WDR72: variants seen among roughly 807,000 people sequenced by gnomAD.
The protein encoded by WDR72 is WD repeat-containing protein 72.
A neutral mutation model predicts 124.2 loss-of-function variants in WDR72; 120 were observed. The observed-to-expected ratio is 0.97, with a 90% CI of 0.83 to 1.12. The LOEUF (loss-of-function observed/expected upper bound fraction) is 1.12. Ranked by LOEUF, WDR72 falls within the 50% of genes most tolerant of loss-of-function variation. The pLI is 0.00. For missense variants in WDR72, 1,387 were observed against 1,278.8 expected, an observed-to-expected ratio of 1.08 and a Z score of -1.29; for synonymous variants, 452 against 441.7, an observed-to-expected ratio of 1.02 and a Z score of -0.29.
In WDR72 at chr15:53,616,011, G is replaced by T; in HGVS notation, c.2195C>A (p.Thr732Asn). ...KKTLTLRKSK[T>N]ACGPLSAEAL... is the part of the protein sequence containing the mutation. ...CTCTGCTGAAAGAGGACCACAGGCA[G>T]TTTTACTTTTTCTCAGTGTCAGTGT... The change falls in exon 15 of 20, where the codon ACT becomes AAT. Residue 732 changes from threonine (T) to asparagine (N), a missense_variant. Coordinates refer to ENST00000360509, the MANE Select transcript of WDR72 (RefSeq NM_182758.4). 1 of 1,613,300 alleles carries T rather than the reference G, an allele frequency of 6.2e-7. No homozygotes were observed. The highest frequency in any genetic ancestry group is 8.5e-7 in the Non-Finnish European group (1 of 1,179,580).
rs150903344 is a variant in WDR72, at chr15:53,615,867, G to A, written c.2339C>T (p.Pro780Leu). The A allele has an allele frequency of 3.4e-5, 55 of 1,613,456 alleles. No homozygotes were observed. The African/African-American group carries it at 6.5e-4, about 19-fold the overall frequency. The stretch of plus-strand genomic sequence containing the variant: ...GGCATCTACTTTTCTTGATGGCTTA[G>A]GCTGCATTTTTTTGGAGATCTTCAT... ...KKMKISKKMQ[P>L]KPSRKVDASL... The change falls in exon 15 of 20, where the codon CCT (proline) becomes CTT (leucine). Residue 780 changes from proline (P) to leucine (L), a missense_variant. Coordinates refer to ENST00000360509, the MANE Select transcript of WDR72 (RefSeq NM_182758.4).
chr15:53,534,840 A>G (rs907287784), intron 18 of WDR72, among the ~76,000 whole-genome samples: 1 of 152,146 alleles, frequency 6.6e-6, no homozygotes, highest in African/African-American at 2.4e-5. Context: ...AGTTCCTATT[A>G]CACGACAGAT....
chr15:53,552,833 T>C (rs898573355), intron 18 of WDR72, among the ~76,000 whole-genome samples: 1 of 152,114 alleles, frequency 6.6e-6, no homozygotes, highest in African/African-American at 2.4e-5. Context: ...CCATTTGATT[T>C]CATCCCCTTT....
chr15:53,620,455 A>C (rs2013945904), intron 14 of WDR72, among the ~76,000 whole-genome samples: 1 of 152,014 alleles, frequency 6.6e-6, no homozygotes. Context: ...AGCTCTTCTA[A>C]AAATAGTAAT....
chr15:53,725,235 C>T (rs1390608835), intron 2 of WDR72, among the ~76,000 whole-genome samples: 1 of 151,828 alleles, frequency 6.6e-6, no homozygotes, highest in African/African-American at 2.4e-5. Flanking sequence ...AAGAGAAGTG[C>T]AAATTAAAAA....
At chr15:53,696,679 G>A (rs2017013136) in intron 13 of WDR72, among the ~76,000 whole-genome samples, 1 of 152,168 alleles carries the variant, frequency 6.6e-6, no homozygotes, top group African/African-American at 2.4e-5. Flanking sequence ...GAATAAAACA[G>A]AAATCAAGTG....
chr15:53,628,807 A>AT (rs530300824), intron 14 of WDR72, among the ~76,000 whole-genome samples: 4 of 152,054 alleles, frequency 2.6e-5, no homozygotes, highest in African/African-American at 4.8e-5. Context: ...CCAACAATAG[A>AT]TTTTTTTTAA....
At chr15:53,679,563 C>A (rs753482667) in intron 13 of WDR72, among the ~76,000 whole-genome samples, 6 of 152,100 alleles carry the variant, frequency 3.9e-5, no homozygotes, top group Admixed American at 6.5e-5. Context: ...GAAAGAAGGA[C>A]ATTGATGGCA....
chr15:53,615,519 C>A lies in WDR72; in HGVS notation c.2687G>T (p.Arg896Leu), dbSNP rs146417353. Residue 896 changes from arginine to leucine, a missense_variant, in exon 15 of 20, where the codon CGA becomes CTA. Physicochemically the swap from Arg to Leu is moderately radical, Grantham distance 102. Coordinates refer to ENST00000360509, the MANE Select transcript of WDR72 (RefSeq NM_182758.4). ...RGLENNCDSL[R>L]ESDTIVYLLS... is the part of the protein sequence containing the mutation. ...CAAATAAACTATAGTATCTGACTCT[C>A]GCAAAGAATCACAATTATTTTCCAA... is the stretch of plus-strand genomic sequence containing the variant. The A allele has an allele frequency of 1.2e-6, 2 of 1,612,722 alleles. No individual in the cohort carries two copies. The highest frequency in any genetic ancestry group is 1.7e-6 in the Non-Finnish European group (2 of 1,179,344).
chr15:53,710,281 AAT>A (rs1281575439), intron 9 of WDR72, among the ~76,000 whole-genome samples: 11 of 152,336 alleles, frequency 7.2e-5, no homozygotes, highest in Admixed American at 3.3e-4. Context: ...AAATGTTAAC[AAT>A]GTTTTGTCAC....
At chr15:53,587,852 C>T (rs1453203097) in intron 18 of WDR72, among the ~76,000 whole-genome samples, 1 of 151,988 alleles carries the variant, frequency 6.6e-6, no homozygotes, top group African/African-American at 2.4e-5. Context: ...GGCCCATGCT[C>T]ATCTGTAGCA....
rs528624783 is a variant in WDR72 at position 53,665,735 on chromosome 15, G to C, written c.1799C>G (p.Ala600Gly). 2 of 1,613,800 alleles carry C rather than the reference G, an allele frequency of 1.2e-6. No homozygotes were observed. The highest frequency in any genetic ancestry group is 1.1e-5 in the South Asian group (1 of 91,076). Residue 600 changes from alanine (A) to glycine (G), a missense_variant, in exon 14 of 20, where the codon GCA becomes GGA. By Grantham distance (60) the Ala-to-Gly change is moderately conservative. Coordinates refer to ENST00000360509, the MANE Select transcript of WDR72 (RefSeq NM_182758.4). ...TLERHETGERARIILNCCDDS... is the reference protein window; with the variant it reads ...TLERHETGERGRIILNCCDDS... ...ATCACAACAATTAAGAATAATTCGT[G>C]CTCTTTCTCCTGTCTCATGTCTTTC...
chr15:53,690,832 G>T (rs888177886), intron 13 of WDR72, among the ~76,000 whole-genome samples: 2 of 152,080 alleles, frequency 1.3e-5, no homozygotes, highest in African/African-American at 4.8e-5. Flanking sequence ...GAGTGGAATT[G>T]CTGGGTCATT....
At chr15:53,570,796 A>G (rs561186720) in intron 18 of WDR72, among the ~76,000 whole-genome samples, 2 of 152,254 alleles carry the variant, frequency 1.3e-5, no homozygotes, top group African/African-American at 4.8e-5. Context: ...TTATCACAGC[A>G]CTATTCACAA....
chr15:53,555,245 A>G (rs1893884919), intron 18 of WDR72, among the ~76,000 whole-genome samples: 1 of 151,340 alleles, frequency 6.6e-6, no homozygotes, highest in African/African-American at 2.4e-5. Context: ...AAGTGCGGGA[A>G]GGGTAAGGAA....
At chr15:53,634,830 T>G (rs1176509558) in intron 14 of WDR72, among the ~76,000 whole-genome samples, 1 of 152,184 alleles carries the variant, frequency 6.6e-6, no homozygotes, top group African/African-American at 2.4e-5. Context: ...CCAGTAGGGC[T>G]GAATGGGTAG....
At chr15:53,729,015 C>A (rs186026294) in intron 2 of WDR72, among the ~76,000 whole-genome samples, 2 of 152,108 alleles carry the variant, frequency 1.3e-5, no homozygotes, top group Non-Finnish European at 2.9e-5. Flanking sequence ...AGAACTTACA[C>A]CACCTTTTTT....
intron 17 of WDR72, among the ~76,000 whole-genome samples, chr15:53,605,911 T>A (rs949908585): frequency 6.6e-6 from 1 of 152,204 alleles, no homozygotes; most frequent in African/African-American, 2.4e-5. Flanking sequence ...AGAGTCTCTA[T>A]TCTTCCTGAA....
At chr15:53,536,222 G>A (rs1026233877) in intron 18 of WDR72, among the ~76,000 whole-genome samples, 4 of 152,092 alleles carry the variant, frequency 2.6e-5, no homozygotes, top group East Asian at 1.9e-4. Flanking sequence ...CCCTCCAAAG[G>A]AAAAGAGAAA....
Sources: gnomAD v4.1 joint callset for allele counts (sites outside exome capture counted in the v4.1 genomes callset) on GRCh38, gnomAD v4.1.1 for gene constraint, MANE v1.5 for transcripts, NCBI Gene and HGNC (gene_info 2026-07-23, HGNC 2026-07-21) for gene names.